The following GRIN2B variants were observed in gnomAD, a reference collection of about 807,000 sequenced individuals.
The protein encoded by GRIN2B is glutamate receptor ionotropic, NMDA 2B.
A neutral mutation model predicts 114.5 loss-of-function variants in GRIN2B; 5 were observed. The observed-to-expected ratio is 0.04, with a 90% CI of 0.02 to 0.09. The LOEUF (loss-of-function observed/expected upper bound fraction) is 0.09. Ranked by LOEUF, GRIN2B falls within the 10% of genes least tolerant of loss-of-function variation. The pLI, the probability that GRIN2B is intolerant of heterozygous loss-of-function variation, is 1.00. For missense variants in GRIN2B, 1,108 were observed against 1,943.5 expected (o/e 0.57, Z 8.08); for synonymous variants, 787 against 745.1 (o/e 1.06, Z -0.92).
At chr12:13,890,119 T>A (rs1484019209) in intron 2 of GRIN2B, among the ~76,000 whole-genome samples, 1 of 152,300 alleles carries the variant, frequency 6.6e-6, no homozygotes, top group East Asian at 1.9e-4. Flanking sequence ...ACCCTGACTA[T>A]ATGGCTGGCC....
At chr12:13,690,345 CT>C (rs879460958) in intron 4 of GRIN2B, among the ~76,000 whole-genome samples, 460 of 115,700 alleles carry the variant, frequency 4.0e-3, no homozygotes, top group African/African-American at 0.014. Context: ...TTTACAAATA[CT>C]TTTTTTTGCC....
chr12:13,769,190 C>T (rs1863859561), intron 3 of GRIN2B, among the ~76,000 whole-genome samples: 1 of 152,092 alleles, frequency 6.6e-6, no homozygotes. Flanking sequence ...GCTCAGAATG[C>T]AACACAGCAG....
At chr12:13,775,280 C>T (rs1238832294) in intron 3 of GRIN2B, among the ~76,000 whole-genome samples, 1 of 152,142 alleles carries the variant, frequency 6.6e-6, no homozygotes, top group Non-Finnish European at 1.5e-5. Flanking sequence ...TACTGGATTA[C>T]AGGTGGGGCT....
At chr12:13,956,606 G>C (rs1273255783) in intron 2 of GRIN2B, among the ~76,000 whole-genome samples, 1 of 152,160 alleles carries the variant, frequency 6.6e-6, no homozygotes, top group Non-Finnish European at 1.5e-5. Flanking sequence ...TGGGTGCCCT[G>C]TGTGGGCTCA....
intron 2 of GRIN2B, among the ~76,000 whole-genome samples, chr12:13,954,811 G>GAAAAAAAAAAAAAAAA (rs61525874): frequency 0.015 from 392 of 25,468 alleles, 62 homozygotes; most frequent in African/African-American, 0.033. Flanking sequence ...TCCGTCTCAG[G>GAAAAAAAAAAAAAAAA]AAAAAAAAAA....
intron 4 of GRIN2B, among the ~76,000 whole-genome samples, chr12:13,722,099 C>T (rs2136594007): frequency 6.6e-6 from 1 of 152,206 alleles, no homozygotes; most frequent in African/African-American, 2.4e-5. Flanking sequence ...ATTCCATTAA[C>T]ACAGTATGAA....
intron 10 of GRIN2B, among the ~76,000 whole-genome samples, chr12:13,602,921 G>A (rs554355574): frequency 2.0e-5 from 3 of 152,170 alleles, no homozygotes; most frequent in Non-Finnish European, 2.9e-5. Flanking sequence ...TGGTAGGAAC[G>A]TGTGAAATCG....
intron 2 of GRIN2B, among the ~76,000 whole-genome samples, chr12:13,940,464 G>A (rs868431578): frequency 1.3e-5 from 2 of 151,380 alleles, no homozygotes; most frequent in African/African-American, 2.4e-5. Flanking sequence ...GCACACACAC[G>A]TACACATGCA....
At chr12:13,852,233 T>C (rs1169033168) in intron 3 of GRIN2B, among the ~76,000 whole-genome samples, 1 of 152,142 alleles carries the variant, frequency 6.6e-6, no homozygotes, top group Non-Finnish European at 1.5e-5. Context: ...AGATGCAGCA[T>C]TCCCTGTGAT....
chr12:13,691,232 C>A (rs1051319980), intron 4 of GRIN2B, among the ~76,000 whole-genome samples: 2 of 152,124 alleles, frequency 1.3e-5, no homozygotes, highest in African/African-American at 4.8e-5. Context: ...CTCTTAATAA[C>A]CCAGGATGTC....
At chr12:13,854,301 G>A (rs1438758666) in intron 3 of GRIN2B, among the ~76,000 whole-genome samples, 4 of 152,074 alleles carry the variant, frequency 2.6e-5, no homozygotes, top group Admixed American at 6.5e-5. Flanking sequence ...CACGAGGTCA[G>A]GAGTTCGAGA....
intron 2 of GRIN2B, among the ~76,000 whole-genome samples, chr12:13,901,886 A>T (rs752441378): frequency 6.6e-6 from 1 of 152,106 alleles, no homozygotes; most frequent in African/African-American, 2.4e-5. Context: ...AAATTTTTGT[A>T]TATGCTGTGA....
intron 2 of GRIN2B, among the ~76,000 whole-genome samples, chr12:13,873,667 T>C (rs1865948625): frequency 6.6e-6 from 1 of 152,146 alleles, no homozygotes; most frequent in African/African-American, 2.4e-5. Context: ...GTCTGGGGCA[T>C]GGAGGCAGGG....
chr12:13,749,063 A>G (rs569234839), intron 4 of GRIN2B, among the ~76,000 whole-genome samples: 141 of 152,354 alleles, frequency 9.3e-4, no homozygotes, highest in Non-Finnish European at 1.5e-3. Flanking sequence ...TCAAGGAGTT[A>G]AGAAGTTATC....
intron 3 of GRIN2B, among the ~76,000 whole-genome samples, chr12:13,766,126 G>A (rs1055658672): frequency 5.9e-5 from 9 of 152,130 alleles, no homozygotes; most frequent in African/African-American, 1.9e-4. Flanking sequence ...CTGATTCTTT[G>A]TAACATTATT....
intron 2 of GRIN2B, among the ~76,000 whole-genome samples, chr12:13,919,130 A>C (rs999165847): frequency 2.5e-4 from 38 of 152,324 alleles, no homozygotes; most frequent in Non-Finnish European, 3.8e-4. Context: ...GCCTGATTTC[A>C]ATAGTTAGCG....
chr12:13,896,721 G>A (rs1866362533), intron 2 of GRIN2B, among the ~76,000 whole-genome samples: 1 of 152,138 alleles, frequency 6.6e-6, no homozygotes, highest in South Asian at 2.1e-4. Flanking sequence ...GAGGGCCTTT[G>A]GGTATTTAAA....
At chr12:13,690,151 A>G (rs939950669) in intron 4 of GRIN2B, among the ~76,000 whole-genome samples, 1 of 152,122 alleles carries the variant, frequency 6.6e-6, no homozygotes, top group East Asian at 1.9e-4. Context: ...GCAGAACCCA[A>G]ACTAGTATCT....
chr12:13,793,967 C>T (rs1864362835), intron 3 of GRIN2B, among the ~76,000 whole-genome samples: 2 of 138,128 alleles, frequency 1.4e-5, no homozygotes, highest in South Asian at 4.5e-4. Context: ...TTTGGGAGGC[C>T]AAGACAGGCA....
Sources: allele counts gnomAD v4.1 joint callset (sites outside exome capture counted in the v4.1 genomes callset), GRCh38; gene constraint gnomAD v4.1.1; transcripts MANE v1.5; gene names NCBI Gene and HGNC (gene_info 2026-07-23, HGNC 2026-07-21).